Variants in CNTN5 observed in about 807,000 individuals in gnomAD.
CNTN5 encodes contactin 5.
CNTN5 carries 77 observed loss-of-function variants against 129.1 expected under a neutral mutation model. That is an observed-to-expected ratio of 0.60 (90% CI 0.50 to 0.72). The LOEUF (loss-of-function observed/expected upper bound fraction) is 0.72, where lower values mean the gene tolerates loss of function less well. CNTN5 is among the 30% of genes least tolerant of loss of function. The pLI, the probability that CNTN5 is intolerant of heterozygous loss-of-function variation, is 0.00. For synonymous variants in CNTN5, 509 were observed against 465.6 expected, an observed-to-expected ratio of 1.09 and a Z score of -1.20; for missense variants, 1,478 against 1,328.8, an observed-to-expected ratio of 1.11 and a Z score of -1.75.
intron 2 of CNTN5, among the ~76,000 whole-genome samples, chr11:99,389,134 A>G (rs1481781976): frequency 1.3e-5 from 2 of 151,742 alleles, no homozygotes; most frequent in African/African-American, 4.8e-5. Context: ...GGTTCAAGCA[A>G]TTCTCCTCCC....
intron 3 of CNTN5, among the ~76,000 whole-genome samples, chr11:99,799,430 C>T (rs183617095): frequency 5.4e-4 from 82 of 151,886 alleles, no homozygotes; most frequent in Non-Finnish European, 9.7e-4. Context: ...TCATTCAATG[C>T]CTTGTTTCTG....
chr11:100,180,820 A>G lies in CNTN5; in HGVS notation c.1581-10306A>G, dbSNP rs561347924. 3.9e-5 allele frequency among the ~76,000 whole-genome samples: 6 copies of G among 152,156 alleles called. No individual in the cohort carries two copies. The South Asian group carries it at 1.0e-3, about 26-fold the overall frequency. ...TCCAATTAGAAAATGAGCAGAAGAT[A>G]TGAAGAGACAGCAAGCACAGAAAAA... is the stretch of plus-strand genomic sequence containing the variant. On this transcript the variant is annotated intron_variant, in intron 13 of 24. Coordinates refer to ENST00000524871, the MANE Select transcript of CNTN5 (RefSeq NM_014361.4).
At chr11:99,032,293 G>A (rs1863433414) in intron 1 of CNTN5, among the ~76,000 whole-genome samples, 1 of 151,618 alleles carries the variant, frequency 6.6e-6, no homozygotes, top group Non-Finnish European at 1.5e-5. Flanking sequence ...GTAATGGGAT[G>A]GCTGGGTCAA....
intron 1 of CNTN5, among the ~76,000 whole-genome samples, chr11:99,290,978 T>C (rs1864148984): frequency 6.6e-6 from 1 of 151,928 alleles, no homozygotes; most frequent in Non-Finnish European, 1.5e-5. Context: ...TGTGTTAGAA[T>C]ACATTAATAG....
chr11:99,345,001 G>C (rs1362690335), intron 2 of CNTN5, among the ~76,000 whole-genome samples: 1 of 152,062 alleles, frequency 6.6e-6, no homozygotes, highest in Non-Finnish European at 1.5e-5. Flanking sequence ...GCCTGTGATG[G>C]AACAGAAAAC....
At chr11:100,162,352 A>G (rs943158704) in intron 13 of CNTN5, among the ~76,000 whole-genome samples, 1 of 151,940 alleles carries the variant, frequency 6.6e-6, no homozygotes, top group African/African-American at 2.4e-5. Context: ...TCTATTCACT[A>G]AACAGAACTA....
intron 1 of CNTN5, among the ~76,000 whole-genome samples, chr11:99,223,197 T>C (rs61893090): frequency 0.072 from 11,035 of 152,214 alleles, 621 homozygotes; most frequent in East Asian, 0.22. Flanking sequence ...TGTTCTATCC[T>C]GTCCTACCTA....
intron 1 of CNTN5, among the ~76,000 whole-genome samples, chr11:99,070,903 G>T (rs1449992262): frequency 6.6e-6 from 1 of 152,018 alleles, no homozygotes; most frequent in African/African-American, 2.4e-5. Context: ...TAATATAGAA[G>T]CTGACTCTCA....
In CNTN5 at chr11:99,408,859, T is replaced by C. The variant is rs563333762; in HGVS notation, c.-71+83375T>C. 1.5e-4 allele frequency among the ~76,000 whole-genome samples: 23 copies of C among 152,302 alleles called. 1 individual carries two copies. The South Asian group carries it at 4.3e-3, about 29-fold the overall frequency. ...AAAACAATGGTTGACTGAATAATAA[T>C]AGGTAATCTTTAACTATTTTGGGCA... On this transcript the variant is annotated intron_variant, in intron 2 of 24. Transcript: ENST00000524871.
At chr11:100,281,817 A>T (rs1203744742) in intron 18 of CNTN5, among the ~76,000 whole-genome samples, 1 of 152,016 alleles carries the variant, frequency 6.6e-6, no homozygotes, top group Non-Finnish European at 1.5e-5. Flanking sequence ...CAAATAGCCT[A>T]TCTTAAAGTT....
intron 6 of CNTN5, among the ~76,000 whole-genome samples, chr11:99,887,707 G>T (rs1292515925): frequency 1.3e-5 from 2 of 152,242 alleles, no homozygotes; most frequent in Non-Finnish European, 2.9e-5. Flanking sequence ...GTAAGTACAC[G>T]AGTCGAAAAG....
chr11:99,693,927 G>T (rs894414907), intron 3 of CNTN5, among the ~76,000 whole-genome samples: 4 of 151,994 alleles, frequency 2.6e-5, no homozygotes, highest in Non-Finnish European at 2.9e-5. Flanking sequence ...TGCCTAAAAG[G>T]CCTTTTGAGT....
chr11:99,266,672 T>A (rs1305776158), intron 1 of CNTN5, among the ~76,000 whole-genome samples: 1 of 152,024 alleles, frequency 6.6e-6, no homozygotes, highest in African/African-American at 2.4e-5. Context: ...TTTGCCAACA[T>A]AGCATAATGT....
At chr11:100,119,145 A>G (rs1043870045) in intron 13 of CNTN5, among the ~76,000 whole-genome samples, 1 of 151,842 alleles carries the variant, frequency 6.6e-6, no homozygotes, top group Non-Finnish European at 1.5e-5. Context: ...TAGAACAGCC[A>G]CTGAAGATAT....
intron 2 of CNTN5, among the ~76,000 whole-genome samples, chr11:99,330,467 T>C (rs1865955674): frequency 6.6e-6 from 1 of 152,118 alleles, no homozygotes; most frequent in South Asian, 2.1e-4. Flanking sequence ...GAAATAATGA[T>C]TGCGTAGTAT....
At chr11:99,323,896 C>T (rs866182004) in intron 1 of CNTN5, among the ~76,000 whole-genome samples, 1 of 151,288 alleles carries the variant, frequency 6.6e-6, no homozygotes, top group Non-Finnish European at 1.5e-5. Flanking sequence ...GGGACAAAAG[C>T]GAGGAAAAGA....
chr11:100,186,146 G>C (rs562970383), intron 13 of CNTN5, among the ~76,000 whole-genome samples: 1 of 152,086 alleles, frequency 6.6e-6, no homozygotes. Flanking sequence ...CATTCTTTGA[G>C]TCTAGGAGTT....
At chr11:100,161,229 A>G (rs1219269278) in intron 13 of CNTN5, among the ~76,000 whole-genome samples, 1 of 151,892 alleles carries the variant, frequency 6.6e-6, no homozygotes, top group Admixed American at 6.6e-5. Flanking sequence ...AGAGCTGTAT[A>G]GCTAGTGGTA....
chr11:100,286,984 T>A (rs993531223), intron 18 of CNTN5, among the ~76,000 whole-genome samples: 16 of 152,012 alleles, frequency 1.1e-4, no homozygotes, highest in Non-Finnish European at 2.1e-4. Context: ...GCCGATGTGA[T>A]CAACTGGAAG....
Sources: allele counts gnomAD v4.1 joint callset (sites outside exome capture counted in the v4.1 genomes callset), GRCh38; gene constraint gnomAD v4.1.1; transcripts MANE v1.5; gene names NCBI Gene and HGNC (gene_info 2026-07-23, HGNC 2026-07-21).